TOMM70: variants seen among roughly 807,000 people sequenced by gnomAD.
TOMM70 encodes mitochondrial import receptor subunit TOM70.
In TOMM70, 13 loss-of-function variants were observed where a neutral mutation model predicts 73.6. The observed-to-expected ratio is 0.18, with a 90% CI of 0.11 to 0.28. TOMM70 has a LOEUF of 0.28. Among genes scored for constraint, TOMM70 ranks in the 10% least tolerant of loss-of-function variants. The pLI, the probability that TOMM70 is intolerant of heterozygous loss-of-function variation, is 1.00. For synonymous variants in TOMM70, 257 were observed against 271.2 expected (o/e 0.95, Z 0.51); for missense variants, 609 against 747.5 (o/e 0.81, Z 2.16).
At chr3:100,367,278 C>T (rs886805745) in intron 11 of TOMM70, among the ~76,000 whole-genome samples, 2 of 148,142 alleles carry the variant, frequency 1.4e-5, no homozygotes, top group Non-Finnish European at 3.0e-5. Context: ...TTAAAAGAAA[C>T]ACAATTTTTT....
intron 9 of TOMM70, among the ~76,000 whole-genome samples, chr3:100,371,399 G>A (rs1706508568): frequency 6.6e-6 from 1 of 151,302 alleles, no homozygotes. Flanking sequence ...CGAGTTGCTG[G>A]GATAACAGGT....
chr3:100,400,492 G>A, intron 1 of TOMM70, 134 bp downstream of exon 1: 1 of 951,588 alleles, frequency 1.1e-6, no homozygotes, highest in Non-Finnish European at 1.6e-6. Flanking sequence ...CCAGAAATGA[G>A]TCTCCCTAAA....
At chr3:100,387,267 C>T (rs903860384) in intron 1 of TOMM70, among the ~76,000 whole-genome samples, 4 of 151,984 alleles carry the variant, frequency 2.6e-5, no homozygotes, top group Admixed American at 1.3e-4. Context: ...GGCAACGTGT[C>T]GGAACCCCGT....
chr3:100,392,126 G>A (rs572509999), intron 1 of TOMM70, among the ~76,000 whole-genome samples: 10 of 152,202 alleles, frequency 6.6e-5, no homozygotes, highest in South Asian at 2.1e-4. Context: ...GCATAGGTGC[G>A]TAGGAGACTG....
chr3:100,388,074 A>G (rs1706714548), intron 1 of TOMM70, among the ~76,000 whole-genome samples: 1 of 152,200 alleles, frequency 6.6e-6, no homozygotes, highest in African/African-American at 2.4e-5. Context: ...AGCACATATA[A>G]ATTAATAGAT....
At chr3:100,365,830 A>G (rs1706443056) in intron 11 of TOMM70, 113 bp from the exon 12 acceptor site, 2 of 1,223,512 alleles carry the variant, frequency 1.6e-6, no homozygotes, top group Non-Finnish European at 2.3e-6. Flanking sequence ...CACAATATTC[A>G]ATGAAGGTTG....
chr3:100,375,368 C>G (rs1263466181), intron 6 of TOMM70, among the ~76,000 whole-genome samples: 3 of 152,154 alleles, frequency 2.0e-5, no homozygotes, highest in Non-Finnish European at 4.4e-5. Context: ...AAACCACATA[C>G]AAATAAGCAG....
chr3:100,384,346 A>G (rs984494374), intron 4 of TOMM70, 133 bp downstream of exon 4: 10 of 542,804 alleles, frequency 1.8e-5, no homozygotes, highest in Non-Finnish European at 3.2e-5. Flanking sequence ...GATAACAGGA[A>G]GAAGAAATAT....
chr3:100,391,959 G>A lies in TOMM70; in HGVS notation c.325-4981C>T, dbSNP rs573590055. Among the ~76,000 whole-genome samples, 11 of 152,210 alleles carry A rather than the reference G, an allele frequency of 7.2e-5. No individual in the cohort carries two copies. In the South Asian group the frequency reaches 2.3e-3, roughly 32 times the overall value. ...GCTCCATGTTAAGTGCTCTAAACAG[G>A]TGTACCATTTTTTATCTTTTATACT... On this transcript the variant is annotated intron_variant, in intron 1 of 11. Transcript: ENST00000284320.
intron 1 of TOMM70, among the ~76,000 whole-genome samples, chr3:100,393,972 C>T (rs12696105): frequency 0.74 from 112,161 of 152,174 alleles, 42,238 homozygotes; most frequent in East Asian, 0.93. Context: ...TCCTGCAACA[C>T]GATTACATGA....
At chr3:100,373,251 T>G (rs1706530292) in intron 8 of TOMM70, among the ~76,000 whole-genome samples, 1 of 151,842 alleles carries the variant, frequency 6.6e-6, no homozygotes, top group Non-Finnish European at 1.5e-5. Flanking sequence ...GTTTACAGAG[T>G]GTTTCCTCAA....
At position 100,365,629 on chromosome 3, in the gene TOMM70, A is replaced by G; in HGVS notation, c.1762T>C (p.Cys588Arg). 6.2e-7 allele frequency: 1 copy of G among 1,614,240 alleles called. No individual in the cohort carries two copies. The highest frequency in any genetic ancestry group is 8.5e-7 in the Non-Finnish European group (1 of 1,180,040). ...TCTGTCTGGGCATGGGCGGCATCGCAAAGTGAATACAGATGGGCCATCTCC... is the reference window on the plus strand; with the variant it reads ...TCTGTCTGGGCATGGGCGGCATCGCGAAGTGAATACAGATGGGCCATCTCC... ...EMEMAHLYSL[C>R]DAAHAQTEVA... Residue 588 changes from cysteine (C) to arginine (R), a missense_variant, in exon 12 of 12, where the codon TGC becomes CGC. Physicochemically the swap from Cys to Arg is radical, Grantham distance 180 (BLOSUM62 -3). Transcript: ENST00000284320.
chr3:100,397,990 C>T (rs1420137549), intron 1 of TOMM70, among the ~76,000 whole-genome samples: 1 of 136,888 alleles, frequency 7.3e-6, no homozygotes, highest in Non-Finnish European at 1.6e-5. Context: ...GGAATTAGGA[C>T]ATCTAAAATG....
At chr3:100,381,560 A>C (rs1706634097) in intron 5 of TOMM70, 55 bp downstream of exon 5, 7 of 1,552,694 alleles carry the variant, frequency 4.5e-6, no homozygotes, top group Non-Finnish European at 6.1e-6. Context: ...GGCCCTAAGG[A>C]AAGTTCAAAG....
At chr3:100,377,652 G>A in intron 6 of TOMM70, 53 bp downstream of exon 6, 1 of 1,548,684 alleles carries the variant, frequency 6.5e-7, no homozygotes, top group Non-Finnish European at 8.8e-7. Flanking sequence ...AAAACATAAT[G>A]AAAGGCATCG....
chr3:100,396,014 GTTTT>G (rs34486101), intron 1 of TOMM70, among the ~76,000 whole-genome samples: 1 of 140,636 alleles, frequency 7.1e-6, no homozygotes, highest in Non-Finnish European at 1.5e-5. Context: ...CTGGTATCAG[GTTTT>G]TTTTTTTTTT....
intron 9 of TOMM70, among the ~76,000 whole-genome samples, chr3:100,369,898 T>A (rs1255261212): frequency 2.0e-5 from 3 of 152,240 alleles, no homozygotes; most frequent in Non-Finnish European, 4.4e-5. Flanking sequence ...ATTGATTTTT[T>A]AAAAAGCAGC....
chr3:100,386,698 G>T, intron 2 of TOMM70, 107 bp downstream of exon 2: 1 of 1,350,802 alleles, frequency 7.4e-7, no homozygotes, highest in Non-Finnish European at 1.0e-6. Flanking sequence ...CCATAATTTT[G>T]AAACAACTTC....
chr3:100,391,515 AATTT>A (rs1706761857), intron 1 of TOMM70, among the ~76,000 whole-genome samples: 1 of 152,056 alleles, frequency 6.6e-6, no homozygotes, highest in Non-Finnish European at 1.5e-5. Flanking sequence ...TAAAAAAAAA[AATTT>A]TTTTAATAAG....
Sources: allele counts gnomAD v4.1 joint callset (sites outside exome capture counted in the v4.1 genomes callset), GRCh38; gene constraint gnomAD v4.1.1; transcripts MANE v1.5; gene names NCBI Gene and HGNC (gene_info 2026-07-23, HGNC 2026-07-21).